CSMD1: variants seen among roughly 807,000 people sequenced by gnomAD.
The protein encoded by CSMD1 is CUB and Sushi multiple domains 1, also known as CUB and sushi domain-containing protein 1.
Under a neutral mutation model 417.5 loss-of-function variants are expected in CSMD1, and 213 were observed. That is an observed-to-expected ratio of 0.51 (90% confidence interval 0.46 to 0.57). CSMD1 has a LOEUF of 0.57. CSMD1 is among the 20% of genes least tolerant of loss of function. The pLI, the probability that CSMD1 is intolerant of heterozygous loss-of-function variation, is 0.00. For synonymous variants in CSMD1, 2,862 were observed against 1,736.8 expected (o/e 1.65, Z -16.11); for missense variants, 6,923 against 4,529.7 (o/e 1.53, Z -15.17).
intron 10 of CSMD1, among the ~76,000 whole-genome samples, chr8:3,508,871 C>T (rs991735297): frequency 3.3e-5 from 5 of 152,118 alleles, no homozygotes; most frequent in Non-Finnish European, 7.4e-5. Context: ...ACAAAAGTGA[C>T]CAGTTAGAGC....
At chr8:4,872,907 A>T (rs544451976) in intron 1 of CSMD1, among the ~76,000 whole-genome samples, 1 of 152,120 alleles carries the variant, frequency 6.6e-6, no homozygotes, top group South Asian at 2.1e-4. Context: ...CGATGTCTGA[A>T]TTTTTTGACA....
chr8:4,314,861 G>A (rs948125668), intron 3 of CSMD1, among the ~76,000 whole-genome samples: 1 of 152,186 alleles, frequency 6.6e-6, no homozygotes, highest in African/African-American at 2.4e-5. Flanking sequence ...CAAGCTGGGT[G>A]TTAGAAAACG....
chr8:3,644,335 A>G (rs2117336667), intron 7 of CSMD1, among the ~76,000 whole-genome samples: 1 of 152,324 alleles, frequency 6.6e-6, no homozygotes, highest in South Asian at 2.1e-4. Flanking sequence ...TTAGAGGCAA[A>G]TGGCCTTGTG....
In CSMD1 at chr8:3,251,002, A is replaced by G. The variant is rs1585797839; in HGVS notation, c.4154-20771T>C. 3.9e-5 allele frequency among the ~76,000 whole-genome samples: 6 copies of G among 152,138 alleles called. No individual in the cohort carries two copies. The South Asian group carries it at 1.0e-3, about 26-fold the overall frequency. On this transcript the variant is annotated intron_variant, in intron 26 of 69. Transcript: ENST00000635120. ...GAGTAGATTGTGAAAATTTTCTCCC[A>G]TTTTGTAGGTTGCCTGTTCACTCTG...
chr8:4,834,464 C>A (rs989689589), intron 1 of CSMD1, among the ~76,000 whole-genome samples: 1 of 152,110 alleles, frequency 6.6e-6, no homozygotes, highest in Admixed American at 6.5e-5. Flanking sequence ...CATGTATTCA[C>A]GCAACTTTTA....
chr8:3,636,058 A>T (rs1177016186), intron 7 of CSMD1, among the ~76,000 whole-genome samples: 1 of 144,302 alleles, frequency 6.9e-6, no homozygotes, highest in Non-Finnish European at 1.5e-5. Flanking sequence ...TTACTCTATA[A>T]GCTTTTTCTA....
chr8:4,423,175 A>C (rs1024002216), intron 2 of CSMD1, among the ~76,000 whole-genome samples: 3 of 152,124 alleles, frequency 2.0e-5, no homozygotes, highest in Non-Finnish European at 4.4e-5. Context: ...TGCTTTGAAC[A>C]TTCTTATTCA....
At chr8:4,034,367 G>A (rs539258233) in intron 3 of CSMD1, among the ~76,000 whole-genome samples, 7 of 152,288 alleles carry the variant, frequency 4.6e-5, no homozygotes, top group African/African-American at 1.7e-4. Flanking sequence ...AGTAATTTCT[G>A]AGAGCAGTCT....
chr8:4,533,716 G>C (rs1029105618), intron 2 of CSMD1, among the ~76,000 whole-genome samples: 1 of 151,838 alleles, frequency 6.6e-6, no homozygotes, highest in Non-Finnish European at 1.5e-5. Flanking sequence ...CTCACAGAGA[G>C]AAAAACCTAA....
chr8:3,617,330 T>C (rs17066595), intron 7 of CSMD1, among the ~76,000 whole-genome samples: 6,768 of 152,320 alleles, frequency 0.044, 478 homozygotes, highest in African/African-American at 0.15. Context: ...TCGAATTTCA[T>C]GGAAAAACTT....
intron 1 of CSMD1, among the ~76,000 whole-genome samples, chr8:4,894,183 CTA>C (rs1458579101): frequency 2.6e-5 from 4 of 152,020 alleles, no homozygotes; most frequent in African/African-American, 7.3e-5. Flanking sequence ...TTAGCTCTTT[CTA>C]TATGTCTTAT....
chr8:3,620,817 T>A (rs1222459555), intron 7 of CSMD1, among the ~76,000 whole-genome samples: 5 of 152,178 alleles, frequency 3.3e-5, no homozygotes, highest in African/African-American at 1.2e-4. Flanking sequence ...GAGCTACCCT[T>A]TAAATAATTA....
At chr8:3,129,580 G>C (rs910659223) in intron 41 of CSMD1, among the ~76,000 whole-genome samples, 3 of 152,004 alleles carry the variant, frequency 2.0e-5, no homozygotes, top group Admixed American at 6.5e-5. Flanking sequence ...TTCAAGACCA[G>C]CCTGCCCAAC....
chr8:4,898,593 T>C (rs1461619494), intron 1 of CSMD1, among the ~76,000 whole-genome samples: 1 of 152,212 alleles, frequency 6.6e-6, no homozygotes, highest in Admixed American at 6.5e-5. Flanking sequence ...CCTAGTTCTT[T>C]GAATGGCTAA....
At chr8:4,804,711 T>C (rs1048594666) in intron 1 of CSMD1, among the ~76,000 whole-genome samples, 1 of 152,216 alleles carries the variant, frequency 6.6e-6, no homozygotes, top group Non-Finnish European at 1.5e-5. Flanking sequence ...ATACATTATA[T>C]CCTTATGACT....
chr8:4,936,343 T>C (rs1354669955), intron 1 of CSMD1, among the ~76,000 whole-genome samples: 3 of 152,186 alleles, frequency 2.0e-5, no homozygotes, highest in Admixed American at 6.5e-5. Context: ...AAAACTGAAA[T>C]AGTAAATCGG....
intron 3 of CSMD1, among the ~76,000 whole-genome samples, chr8:4,331,117 T>A (rs1399062292): frequency 1.3e-5 from 2 of 152,172 alleles, no homozygotes; most frequent in Non-Finnish European, 2.9e-5. Context: ...AATGAAAATA[T>A]ATTTCCCGAA....
At chr8:3,311,238 C>T (rs540203061) in intron 23 of CSMD1, among the ~76,000 whole-genome samples, 10 of 152,018 alleles carry the variant, frequency 6.6e-5, no homozygotes, top group Non-Finnish European at 1.2e-4. Context: ...ATAGTCCTCC[C>T]CACTACTAAT....
chr8:4,026,491 A>G (rs987195020), intron 4 of CSMD1, among the ~76,000 whole-genome samples: 1 of 152,186 alleles, frequency 6.6e-6, no homozygotes, highest in South Asian at 2.1e-4. Context: ...TCCTCCAATT[A>G]AGAAGAAAAC....
Sources: allele counts gnomAD v4.1 joint callset (sites outside exome capture counted in the v4.1 genomes callset), GRCh38; gene constraint gnomAD v4.1.1; transcripts MANE v1.5; gene names NCBI Gene and HGNC (gene_info 2026-07-23, HGNC 2026-07-21).